CHRNA7: variants seen among roughly 807,000 people sequenced by gnomAD.
The protein encoded by CHRNA7 is neuronal acetylcholine receptor subunit alpha-7.
Under a neutral mutation model 48.0 loss-of-function variants are expected in CHRNA7, and 17 were observed. That is an observed-to-expected ratio of 0.35 (90% CI 0.24 to 0.53). CHRNA7 has a LOEUF of 0.53. Ranked by LOEUF, CHRNA7 falls within the 20% of genes least tolerant of loss-of-function variation. The pLI is 0.92. For missense variants in CHRNA7, 155 were observed against 577.7 expected, an observed-to-expected ratio of 0.27 and a Z score of 7.50; for synonymous variants, 75 against 242.3, an observed-to-expected ratio of 0.31 and a Z score of 6.41.
chr15:32,074,471 T>C (rs2050105012), intron 2 of CHRNA7, among the ~76,000 whole-genome samples: 1 of 150,866 alleles, frequency 6.6e-6, no homozygotes, highest in African/African-American at 2.4e-5. Context: ...AAATTATTGA[T>C]TATTTTACTA....
At chr15:32,040,965 CTAAT>C (rs2049437835) in intron 2 of CHRNA7, among the ~76,000 whole-genome samples, 1 of 151,950 alleles carries the variant, frequency 6.6e-6, no homozygotes, top group African/African-American at 2.4e-5. Context: ...TCTCTCAACA[CTAAT>C]TATTTTACTC....
intron 2 of CHRNA7, among the ~76,000 whole-genome samples, chr15:32,046,996 T>A (rs1272304196): frequency 3.3e-5 from 5 of 151,150 alleles, no homozygotes; most frequent in Non-Finnish European, 5.9e-5. Context: ...GCGGCGTTAT[T>A]TCTGAGGGCT....
intron 2 of CHRNA7, among the ~76,000 whole-genome samples, chr15:32,053,282 G>C (rs774063254): frequency 1.3e-5 from 2 of 152,190 alleles, no homozygotes; most frequent in Non-Finnish European, 2.9e-5. Context: ...TTTCATCTTT[G>C]ACATGCTGTT....
At chr15:32,101,619 C>A in intron 3 of CHRNA7, 1 of 404,382 alleles carries the variant, frequency 2.5e-6, no homozygotes, top group South Asian at 4.9e-5. Context: ...TCAGGCAAGA[C>A]AAGAAGATAC....
chr15:32,097,474 A>C (rs955783790), intron 2 of CHRNA7, among the ~76,000 whole-genome samples: 2 of 152,158 alleles, frequency 1.3e-5, no homozygotes, highest in African/African-American at 4.8e-5. Flanking sequence ...GCGAGGACAC[A>C]GTGAAAGGTG....
chr15:32,112,451 G>A (rs948641665), intron 4 of CHRNA7: 2 of 425,586 alleles, frequency 4.7e-6, no homozygotes, highest in African/African-American at 4.0e-5. Flanking sequence ...TTCTCCTGAG[G>A]TCAGGAAATA....
chr15:32,134,351 G>T (rs758141434), intron 4 of CHRNA7, among the ~76,000 whole-genome samples: 2 of 152,062 alleles, frequency 1.3e-5, no homozygotes, highest in African/African-American at 2.4e-5. Flanking sequence ...TAGAGATGGG[G>T]TTTCACCATG....
At chr15:32,062,620 G>C (rs979974247) in intron 2 of CHRNA7, among the ~76,000 whole-genome samples, 2 of 152,110 alleles carry the variant, frequency 1.3e-5, no homozygotes, top group African/African-American at 4.8e-5. Flanking sequence ...GCAGCTGTCA[G>C]ACTGATATTT....
At chr15:32,063,222 A>G (rs1216092853) in intron 2 of CHRNA7, among the ~76,000 whole-genome samples, 1 of 151,630 alleles carries the variant, frequency 6.6e-6, no homozygotes, top group Non-Finnish European at 1.5e-5. Context: ...CTGTACACTT[A>G]GACTACACTA....
rs546937226 is a variant in CHRNA7 at position 32,090,174 on chromosome 15, A to G, written c.196-11129A>G. Among the ~76,000 whole-genome samples, 5 of 152,238 alleles carry G rather than the reference A, an allele frequency of 3.3e-5. 1 individual carries two copies. The South Asian group carries it at 1.0e-3, about 32-fold the overall frequency. ...ATAGCTTTTTCCCTTCTTAGGTAAG[A>G]CAGAAAGGCTACAGGCTGCTGGAGT... On this transcript the variant is annotated intron_variant, in intron 2 of 9. Coordinates refer to ENST00000306901, the MANE Select transcript of CHRNA7 (RefSeq NM_000746.6).
At chr15:32,122,902 A>G (rs2141301062) in intron 4 of CHRNA7, among the ~76,000 whole-genome samples, 1 of 152,178 alleles carries the variant, frequency 6.6e-6, no homozygotes, top group East Asian at 1.9e-4. Flanking sequence ...AAAAAAAAAA[A>G]ATCACAATAG....
intron 2 of CHRNA7, among the ~76,000 whole-genome samples, chr15:32,081,873 T>C (rs983040960): frequency 3.9e-5 from 6 of 152,220 alleles, no homozygotes; most frequent in Non-Finnish European, 7.4e-5. Flanking sequence ...TATTGAACTT[T>C]AGCTATTCTT....
At chr15:32,124,083 C>A (rs1595474257) in intron 4 of CHRNA7, among the ~76,000 whole-genome samples, 1 of 151,754 alleles carries the variant, frequency 6.6e-6, no homozygotes, top group Admixed American at 6.6e-5. Context: ...TAACAGTTCT[C>A]AAACCAAAAC....
chr15:32,060,327 T>C (rs1162585988), intron 2 of CHRNA7, among the ~76,000 whole-genome samples: 1 of 152,222 alleles, frequency 6.6e-6, no homozygotes, highest in East Asian at 1.9e-4. Context: ...TGTATACCTG[T>C]ATATACATAC....
At chr15:32,076,078 G>C (rs916661504) in intron 2 of CHRNA7, among the ~76,000 whole-genome samples, 15 of 151,930 alleles carry the variant, frequency 9.9e-5, no homozygotes, top group African/African-American at 3.6e-4. Flanking sequence ...TGAGTTTTAT[G>C]GTCCAGAGTA....
At chr15:32,142,755 G>A (rs571405656) in intron 4 of CHRNA7, among the ~76,000 whole-genome samples, 4 of 152,132 alleles carry the variant, frequency 2.6e-5, no homozygotes, top group South Asian at 4.2e-4. Flanking sequence ...CTGTGAGATC[G>A]GTGGTGATAT....
rs117625706 is a variant in CHRNA7, at chr15:32,062,883, A to G, written c.195+31846A>G. Among the ~76,000 whole-genome samples the G allele has an allele frequency of 5.9e-5, 9 of 152,292 alleles. No homozygotes were observed. In the East Asian group the frequency reaches 1.7e-3, roughly 29 times the overall value. On this transcript the variant is annotated intron_variant, in intron 2 of 9. Coordinates refer to ENST00000306901, the MANE Select transcript of CHRNA7 (RefSeq NM_000746.6). ...CGTTCTTGTACAAACATCAGAGTCT[A>G]CTTACACAGACCTAGGTGTTATAGC...
chr15:32,082,992 C>G (rs2050239725), intron 2 of CHRNA7, among the ~76,000 whole-genome samples: 2 of 152,134 alleles, frequency 1.3e-5, no homozygotes, highest in Admixed American at 1.3e-4. Flanking sequence ...AAAAATCAGC[C>G]TCGTGTGGTG....
At chr15:32,092,306 C>T (rs1712127630) in intron 2 of CHRNA7, among the ~76,000 whole-genome samples, 1 of 152,238 alleles carries the variant, frequency 6.6e-6, no homozygotes, top group African/African-American at 2.4e-5. Context: ...ATTTTATTAG[C>T]TCATCTTTGA....
Sources: allele counts gnomAD v4.1 joint callset (sites outside exome capture counted in the v4.1 genomes callset), GRCh38; gene constraint gnomAD v4.1.1; transcripts MANE v1.5; gene names NCBI Gene and HGNC (gene_info 2026-07-23, HGNC 2026-07-21).